Variants in PGK1 observed in about 807,000 individuals in gnomAD.
PGK1 encodes phosphoglycerate kinase 1.
In PGK1, 3 loss-of-function variants were observed where a neutral mutation model predicts 26.9. That is an observed-to-expected ratio of 0.11 (90% CI 0.05 to 0.29). The LOEUF (loss-of-function observed/expected upper bound fraction) is 0.29. Among genes scored for constraint, PGK1 ranks in the 10% least tolerant of loss-of-function variants. The pLI is 1.00. For synonymous variants in PGK1, 125 were observed against 115.3 expected (o/e 1.08, Z -0.54); for missense variants, 270 against 314.7 (o/e 0.86, Z 1.07).
chrX:78,118,306 G>C (rs2078336250), intron 6 of PGK1, 136 bp downstream of exon 6: 2 of 682,363 alleles, frequency 2.9e-6, no homozygotes, highest in Middle Eastern at 3.9e-4. Context: ...TACAGGCTGG[G>C]CATGGTGGCT....
chrX:78,112,809 A>C (rs1197292579), intron 2 of PGK1, among the ~76,000 whole-genome samples: 2 of 112,381 alleles, frequency 1.8e-5, no homozygotes, highest in Admixed American at 1.9e-4. Flanking sequence ...AGGAAAAGAC[A>C]TGGGGGAGTC....
At chrX:78,119,630 G>T (rs1233588059) in intron 6 of PGK1, among the ~76,000 whole-genome samples, 1 of 111,600 alleles carries the variant, frequency 9.0e-6, no homozygotes, top group African/African-American at 3.3e-5. Context: ...GAGGGACCTG[G>T]TGATTGGATC....
In PGK1 at chrX:78,128,563, A is replaced by AAC. The variant is rs1440455039; in HGVS notation, c.*2735_*2736dup. ...CTGCCTCAAAACAAAAACCCCACAA[A>AAC]ACAGTATAAGGATGTGCTTTCTAAT... is the stretch of plus-strand genomic sequence containing the variant. On this transcript the variant is annotated 3_prime_UTR_variant, in exon 11 of 11. Transcript: ENST00000373316. The AAC allele has an allele frequency of 8.9e-6, 1 of 112,209 alleles. No individual in the cohort carries two copies. The highest frequency in any genetic ancestry group is 2.8e-4 in the East Asian group (1 of 3,577). 9.2% of individuals were successfully genotyped at this position (112,209 alleles called of 1,213,427 possible).
rs1316067281 is a variant in PGK1 at position 78,128,746 on chromosome X, GTTTTC to G, written c.*2919_*2923del. ...TGGTTCTTTAGCTCAGTGTTTTCCT[GTTTTC>G]TTCATTTCCAAAATTTCCCTCTAGC... On this transcript the variant is annotated 3_prime_UTR_variant, in exon 11 of 11. Coordinates refer to ENST00000373316, the MANE Select transcript of PGK1 (RefSeq NM_000291.4). The G allele has an allele frequency of 9.2e-6, 1 of 108,488 alleles. No homozygotes were observed. Among genetic ancestry groups the G allele is most frequent in the Non-Finnish European group, 1.9e-5 (1 of 52,626 alleles). The allele number at this position is 108,488 out of a possible 1,213,427, so 8.9% of individuals were successfully genotyped here. A position where few individuals can be genotyped will look rare whatever the true frequency, so the allele number is the denominator to read the frequency against.
chrX:78,124,620 A>C (rs2078373179), intron 8 of PGK1, among the ~76,000 whole-genome samples: 1 of 111,973 alleles, frequency 8.9e-6, no homozygotes, highest in African/African-American at 3.2e-5. Context: ...CCATTGATCT[A>C]GTTTTCACTA....
In PGK1 at chrX:78,104,518, C is replaced by A. The variant is rs1226678841; in HGVS notation, c.65+113C>A. 8.0e-6 allele frequency: 5 copies of A among 626,270 alleles called. No homozygotes were observed. In the South Asian group the frequency reaches 1.2e-4, roughly 15 times the overall value. The allele number at this position is 626,270 out of a possible 1,213,427, so 51.6% of individuals were successfully genotyped here. On this transcript the variant is annotated intron_variant, in intron 1 of 10. Transcript: ENST00000373316. The stretch of plus-strand genomic sequence containing the variant: ...GTTCTTTTAGCTTTTGGCTGGGCCC[C>A]AGGGGTCCTAGGCTTGGAGGGCGAG...
At chrX:78,121,179 G>A (rs781964607) in intron 6 of PGK1, among the ~76,000 whole-genome samples, 1 of 112,359 alleles carries the variant, frequency 8.9e-6, no homozygotes, top group African/African-American at 3.2e-5. Flanking sequence ...GTATTCAGAT[G>A]TTCTTGATCA....
chrX:78,118,764 G>T (rs2078338940), intron 6 of PGK1, among the ~76,000 whole-genome samples: 1 of 110,725 alleles, frequency 9.0e-6, no homozygotes. Context: ...AGGAAAGTTG[G>T]TGTGGAGAGA....
chrX:78,108,719 C>G (rs2078284273), intron 1 of PGK1, among the ~76,000 whole-genome samples: 2 of 112,047 alleles, frequency 1.8e-5, no homozygotes, highest in Admixed American at 1.9e-4. Context: ...CAGCAGTCTT[C>G]TTGATTAGGT....
chrX:78,105,405 G>A (rs2078267547), intron 1 of PGK1, among the ~76,000 whole-genome samples: 1 of 111,738 alleles, frequency 8.9e-6, no homozygotes, highest in Non-Finnish European at 1.9e-5. Context: ...TGTTTTTGAG[G>A]GGTCATAAAG....
chrX:78,104,817 G>A (rs1006465694), intron 1 of PGK1, among the ~76,000 whole-genome samples: 2 of 111,523 alleles, frequency 1.8e-5, no homozygotes, highest in African/African-American at 6.5e-5. Flanking sequence ...CTAGACCGTC[G>A]CAGCCAAATG....
At chrX:78,111,901 G>T (rs1470016654) in intron 2 of PGK1, among the ~76,000 whole-genome samples, 5 of 112,368 alleles carry the variant, frequency 4.4e-5, no homozygotes, top group African/African-American at 1.6e-4. Context: ...AATAAAACTT[G>T]CTGATAAGGG....
In PGK1 at chrX:78,125,433, T is replaced by G. The variant is rs1365365991; in HGVS notation, c.1213+8T>G. The G allele has an allele frequency of 8.7e-7, 1 of 1,149,388 alleles. No individual in the cohort carries two copies. The highest frequency in any genetic ancestry group is 1.2e-6 in the Non-Finnish European group (1 of 840,933). The allele number at this position is 1,149,388 out of a possible 1,213,427, so 94.7% of individuals were successfully genotyped here. Reference sequence around the variant, plus strand: ...GTTTGGAGCTCCTGGAAGGTGAGGGTCTTCTGTTTTTTGGCTTGTTTGGGA... The same window carrying G: ...GTTTGGAGCTCCTGGAAGGTGAGGGGCTTCTGTTTTTTGGCTTGTTTGGGA... On this transcript the variant is annotated splice_region_variant and intron_variant, in intron 10 of 10. Transcript: ENST00000373316.
chrX:78,120,634 A>G (rs1569550876), intron 6 of PGK1, among the ~76,000 whole-genome samples: 1 of 109,735 alleles, frequency 9.1e-6, no homozygotes, highest in Non-Finnish European at 1.9e-5. Context: ...ACCTGGGACT[A>G]CAGGCATGCA....
At chrX:78,124,637 A>G (rs1309001138) in intron 8 of PGK1, among the ~76,000 whole-genome samples, 8 of 112,192 alleles carry the variant, frequency 7.1e-5, no homozygotes, top group African/African-American at 2.6e-4. Flanking sequence ...ACTAACATAA[A>G]TAGTGTGGCT....
At chrX:78,113,073 G>A (rs1422664860) in intron 2 of PGK1, among the ~76,000 whole-genome samples, 3 of 111,887 alleles carry the variant, frequency 2.7e-5, no homozygotes, top group African/African-American at 9.8e-5. Context: ...GCTGAGGCCT[G>A]CAGATAACTT....
At chrX:78,112,693 G>T (rs1037217030) in intron 2 of PGK1, among the ~76,000 whole-genome samples, 27 of 111,413 alleles carry the variant, frequency 2.4e-4, no homozygotes, top group African/African-American at 8.8e-4. Context: ...TGTTTTCAGG[G>T]GTCCCCAAGA....
At chrX:78,125,265 G>A (rs1319530522) in intron 9 of PGK1, 62 bp from the exon 10 acceptor site, 1 of 922,043 alleles carries the variant, frequency 1.1e-6, no homozygotes, top group Non-Finnish European at 1.6e-6. Context: ...TTACAGTTTT[G>A]GTGCCAATCC....
chrX:78,109,948 T>G, intron 2 of PGK1, 31 bp downstream of exon 2: 1 of 979,205 alleles, frequency 1.0e-6, no homozygotes, highest in South Asian at 1.9e-5. Flanking sequence ...TGGGCTGGGT[T>G]TAAGATGTGT....
Sources: allele counts gnomAD v4.1 joint callset (sites outside exome capture counted in the v4.1 genomes callset), GRCh38; gene constraint gnomAD v4.1.1; transcripts MANE v1.5; gene names NCBI Gene and HGNC (gene_info 2026-07-23, HGNC 2026-07-21).